The following SPAG1 variants were observed in gnomAD, a reference collection of about 807,000 sequenced individuals.
SPAG1 encodes the protein sperm associated antigen 1.
SPAG1 carries 69 observed loss-of-function variants against 100.5 expected under a neutral mutation model. The observed-to-expected ratio is 0.69, with a 90% CI of 0.57 to 0.84. The LOEUF (loss-of-function observed/expected upper bound fraction) is 0.84, where lower values mean the gene tolerates loss of function less well. SPAG1 is among the 40% of genes least tolerant of loss of function. The probability of loss-of-function intolerance (pLI) is 0.00; values close to 1 mark genes in which losing one functional copy is unlikely to be tolerated. For synonymous variants in SPAG1, 336 were observed against 411.6 expected (o/e 0.82, Z 2.22); for missense variants, 955 against 1,133.1 (o/e 0.84, Z 2.26).
In SPAG1 at chr8:100,168,925, G is replaced by A. The variant is rs547697681; in HGVS notation, c.300+2952G>A. ...TGGTCTCGAACTCCCAACCTCATGT[G>A]ATCTGCCCATCTCGGCCTCCCAAAG... On this transcript the variant is annotated intron_variant, in intron 3 of 18. Coordinates refer to ENST00000388798, the MANE Select transcript of SPAG1 (RefSeq NM_003114.5). 1.1e-4 allele frequency among the ~76,000 whole-genome samples: 16 copies of A among 151,754 alleles called. No individual in the cohort carries two copies. In the East Asian group the frequency reaches 3.1e-3, roughly 30 times the overall value.
At chr8:100,197,068 A>T (rs1397318292) in intron 10 of SPAG1, among the ~76,000 whole-genome samples, 6 of 151,948 alleles carry the variant, frequency 3.9e-5, no homozygotes, top group African/African-American at 1.5e-4. Flanking sequence ...TCTTTTTCTA[A>T]GATAGTTTCT....
At chr8:100,231,059 G>A (rs1818745574) in intron 14 of SPAG1, 97 bp from the exon 15 acceptor site, 1 of 1,103,682 alleles carries the variant, frequency 9.1e-7, no homozygotes, top group African/African-American at 1.6e-5. Flanking sequence ...GTGTGGTCAA[G>A]TTAATTTGCA....
chr8:100,218,963 T>C (rs772356990), intron 12 of SPAG1, among the ~76,000 whole-genome samples: 3 of 152,216 alleles, frequency 2.0e-5, no homozygotes, highest in Non-Finnish European at 4.4e-5. Context: ...GATCTAGGAC[T>C]GGGAATATAG....
At chr8:100,191,576 C>A in intron 9 of SPAG1, 80 bp downstream of exon 9, 1 of 962,996 alleles carries the variant, frequency 1.0e-6, no homozygotes, top group Non-Finnish European at 1.6e-6. Flanking sequence ...TCAATCTTGC[C>A]AAACAAATTA....
In SPAG1 at chr8:100,173,033, C is replaced by CTTTT. The variant is rs149257955; in HGVS notation, c.301-4759_301-4756dup. ...GTGTCTTTGCTCTTCTTGACCACTT[C>CTTTT]TTTTTTTTTTTTTTTTTTTTTTTTT... On this transcript the variant is annotated intron_variant, in intron 3 of 18. Coordinates refer to ENST00000388798, the MANE Select transcript of SPAG1 (RefSeq NM_003114.5). Among the ~76,000 whole-genome samples, 11 of 63,660 alleles carry CTTTT rather than the reference C, an allele frequency of 1.7e-4. 1 individual carries two copies. Among genetic ancestry groups the CTTTT allele is most frequent in the Admixed American group, 2.2e-4 (1 of 4,556 alleles). The allele number at this position is 63,660 out of a possible 152,430, so 41.8% of individuals were successfully genotyped here. A position where few individuals can be genotyped will look rare whatever the true frequency, so the allele number is the denominator to read the frequency against.
intron 3 of SPAG1, among the ~76,000 whole-genome samples, chr8:100,169,888 C>G (rs1815741704): frequency 6.6e-6 from 1 of 151,906 alleles, no homozygotes; most frequent in South Asian, 2.1e-4. Context: ...TAGCCTGTTT[C>G]ATTATTTTAA....
intron 16 of SPAG1, among the ~76,000 whole-genome samples, chr8:100,235,710 T>C (rs1179422260): frequency 6.6e-6 from 1 of 152,116 alleles, no homozygotes; most frequent in Non-Finnish European, 1.5e-5. Flanking sequence ...TTCCAGATTG[T>C]AGATCCACTC....
intron 4 of SPAG1, among the ~76,000 whole-genome samples, 196 bp downstream of exon 4, chr8:100,178,137 G>C (rs1816209765): frequency 6.6e-6 from 1 of 152,154 alleles, no homozygotes; most frequent in African/African-American, 2.4e-5. Flanking sequence ...AAATCAAAAT[G>C]AAACAGTTTT....
At chr8:100,234,359 T>TA (rs34951243) in intron 16 of SPAG1, among the ~76,000 whole-genome samples, 84,649 of 151,212 alleles carry the variant, frequency 0.56, 23,951 homozygotes, top group Admixed American at 0.64. Flanking sequence ...TGGTGTGTGC[T>TA]AAAAAAAAAT....
At chr8:100,203,219 A>G (rs1398051188) in intron 10 of SPAG1, among the ~76,000 whole-genome samples, 1 of 151,870 alleles carries the variant, frequency 6.6e-6, no homozygotes, top group Non-Finnish European at 1.5e-5. Context: ...CGAACATTAG[A>G]CTCCAATTTC....
intron 3 of SPAG1, among the ~76,000 whole-genome samples, chr8:100,169,426 T>C (rs2132212590): frequency 6.6e-6 from 1 of 152,230 alleles, no homozygotes; most frequent in African/African-American, 2.4e-5. Flanking sequence ...CAAGACCTCA[T>C]CTCTAAAAAA....
rs554316143 is a variant in SPAG1 at position 100,170,563 on chromosome 8, A to G, written c.300+4590A>G. On this transcript the variant is annotated intron_variant, in intron 3 of 18. Coordinates refer to ENST00000388798, the MANE Select transcript of SPAG1 (RefSeq NM_003114.5). ...CCCACTCCCCTGTCCCCTAGCAACC[A>G]CCATTCTATTGCTGTTCCTATAAGT... is the stretch of plus-strand genomic sequence containing the variant. Among the ~76,000 whole-genome samples the G allele has an allele frequency of 2.2e-3, 339 of 152,128 alleles. 2 individuals carry two copies. The highest frequency in any genetic ancestry group is 3.8e-3 in the Non-Finnish European group (257 of 67,974).
intron 9 of SPAG1, 136 bp from the exon 10 acceptor site, chr8:100,193,976 C>T (rs1213735971): frequency 6.0e-6 from 4 of 665,456 alleles, no homozygotes; most frequent in Non-Finnish European, 9.0e-6. Context: ...TCTATGATTA[C>T]AATCAAAGGC....
rs571579152 is a variant in SPAG1, at chr8:100,185,726, C to A, written c.701+993C>A. On this transcript the variant is annotated intron_variant, in intron 7 of 18. Coordinates refer to ENST00000388798, the MANE Select transcript of SPAG1 (RefSeq NM_003114.5). ...ACCTTAGCACTAAACTCTGTACAAT[C>A]TTTTTTCCACCTTTGGAAATAAGAT... Among the ~76,000 whole-genome samples, 31 of 152,276 alleles carry A rather than the reference C, an allele frequency of 2.0e-4. No homozygotes were observed. In the East Asian group the frequency reaches 5.0e-3, roughly 25 times the overall value.
In SPAG1 at chr8:100,183,470, A is replaced by G. The variant is rs202054251; in HGVS notation, c.488+34A>G. On this transcript the variant is annotated intron_variant, in intron 5 of 18. Transcript: ENST00000388798. ...TACATGTCTTTATATAAAATGTATC[A>G]CTAAAAAAGTTATCTACCACAAAAT... is the stretch of plus-strand genomic sequence containing the variant. 94 of 1,084,188 alleles carry G rather than the reference A, an allele frequency of 8.7e-5. No homozygotes were observed. The East Asian group carries it at 1.9e-3, about 22-fold the overall frequency. 67.2% of individuals were successfully genotyped at this position (1,084,188 alleles called of 1,614,324 possible).
chr8:100,204,795 C>G (rs1001979570), intron 10 of SPAG1, among the ~76,000 whole-genome samples: 1 of 152,152 alleles, frequency 6.6e-6, no homozygotes, highest in African/African-American at 2.4e-5. Flanking sequence ...AATTGCTCTT[C>G]TCTGTATGTC....
Position 100,186,291 on chromosome 8 carries a change from GA to G in SPAG1, c.702-827del, listed in dbSNP as rs1816587211. Among the ~76,000 whole-genome samples, 6 of 151,922 alleles carry G rather than the reference GA, an allele frequency of 3.9e-5. No homozygotes were observed. In the South Asian group the frequency reaches 1.2e-3, roughly 32 times the overall value. On this transcript the variant is annotated intron_variant, in intron 7 of 18. Coordinates refer to ENST00000388798, the MANE Select transcript of SPAG1 (RefSeq NM_003114.5). ...TCATGATGTTGCCCAGGCTGGTCTC[GA>G]ACCTCTGGCCTCAAGCCATGCTGTC... is the stretch of plus-strand genomic sequence containing the variant.
At chr8:100,214,063 A>T in intron 12 of SPAG1, 145 bp downstream of exon 12, 1 of 546,172 alleles carries the variant, frequency 1.8e-6, no homozygotes, top group South Asian at 2.9e-5. Flanking sequence ...CATAAAAATC[A>T]TAAATTATCT....
intron 10 of SPAG1, among the ~76,000 whole-genome samples, chr8:100,204,423 G>A (rs1442638646): frequency 2.0e-5 from 3 of 152,072 alleles, no homozygotes; most frequent in African/African-American, 4.8e-5. Context: ...GGATAATGGT[G>A]GAAAGAACAT....
Sources: allele counts gnomAD v4.1 joint callset (sites outside exome capture counted in the v4.1 genomes callset), GRCh38; gene constraint gnomAD v4.1.1; transcripts MANE v1.5; gene names NCBI Gene and HGNC (gene_info 2026-07-23, HGNC 2026-07-21).